CACNA1E: variants seen among roughly 807,000 people sequenced by gnomAD.
The protein encoded by CACNA1E is calcium voltage-gated channel subunit alpha1 E, also known as voltage-dependent R-type calcium channel subunit alpha-1E.
A neutral mutation model predicts 259.2 loss-of-function variants in CACNA1E; 40 were observed. That is an observed-to-expected ratio of 0.15 (90% confidence interval 0.12 to 0.20). CACNA1E has a LOEUF of 0.20. Ranked by LOEUF, CACNA1E falls within the 10% of genes least tolerant of loss-of-function variation. CACNA1E has a pLI of 1.00. For missense variants in CACNA1E, 1,874 were observed against 3,040.1 expected (o/e 0.62, Z 9.02); for synonymous variants, 1,104 against 1,138.5 (o/e 0.97, Z 0.61).
intron 7 of CACNA1E, among the ~76,000 whole-genome samples, chr1:181,654,764 C>G (rs2102083704): frequency 6.6e-6 from 1 of 152,208 alleles, no homozygotes; most frequent in South Asian, 2.1e-4. Context: ...GCGGGCAGAT[C>G]ACGAGGTCAG....
chr1:181,389,115 C>T (rs769340857), intron 1 of CACNA1E, among the ~76,000 whole-genome samples: 1 of 152,188 alleles, frequency 6.6e-6, no homozygotes. Context: ...TAGCATTGAA[C>T]TCTCAGCCAA....
At chr1:181,670,286 A>G (rs1648663745) in intron 7 of CACNA1E, among the ~76,000 whole-genome samples, 1 of 152,170 alleles carries the variant, frequency 6.6e-6, no homozygotes, top group South Asian at 2.1e-4. Flanking sequence ...AGTCTTTACA[A>G]TTTGGTTATA....
intron 7 of CACNA1E, 114 bp from the exon 8 acceptor site, chr1:181,710,840 C>A: frequency 2.7e-6 from 2 of 735,910 alleles, no homozygotes; most frequent in Non-Finnish European, 4.8e-6. Flanking sequence ...GGAAAGGGTA[C>A]ATGGGCTTAA....
At chr1:181,408,544 G>T (rs138343424) in intron 1 of CACNA1E, among the ~76,000 whole-genome samples, 83 of 152,274 alleles carry the variant, frequency 5.5e-4, no homozygotes, top group Admixed American at 1.8e-3. Context: ...CTATGAGCTC[G>T]AGTGTTTTTG....
chr1:181,379,946 G>A lies in CACNA1E; in HGVS notation c.-14-33187G>A, dbSNP rs1655348311. The stretch of plus-strand genomic sequence containing the variant: ...CAGTGGCAACATCTTTAAAGTAGTG[G>A]GAAGGTAGACTGTCATAAGATATAT... On this transcript the variant is annotated intron_variant, in intron 1 of 11. Coordinates refer to the CACNA1E transcript ENST00000524607. Among the ~76,000 whole-genome samples, 3 of 147,770 alleles carry A rather than the reference G, an allele frequency of 2.0e-5. No individual in the cohort carries two copies. In the South Asian group the frequency reaches 6.4e-4, roughly 31 times the overall value.
At chr1:181,405,427 G>T (rs1363379642) in intron 1 of CACNA1E, among the ~76,000 whole-genome samples, 1 of 152,172 alleles carries the variant, frequency 6.6e-6, no homozygotes, top group Non-Finnish European at 1.5e-5. Flanking sequence ...CTCTATCCCA[G>T]TCTAGATAAC....
intron 1 of CACNA1E, among the ~76,000 whole-genome samples, chr1:181,335,755 C>G (rs778909421): frequency 8.5e-5 from 13 of 152,202 alleles, no homozygotes; most frequent in Non-Finnish European, 1.3e-4. Context: ...CTTGAATTCA[C>G]ACCTGACATA....
chr1:181,579,841 C>T (rs1458600836), intron 5 of CACNA1E, among the ~76,000 whole-genome samples: 1 of 152,168 alleles, frequency 6.6e-6, no homozygotes, highest in Non-Finnish European at 1.5e-5. Flanking sequence ...CCTTCATGAT[C>T]CTTCTCACCA....
intron 6 of CACNA1E, among the ~76,000 whole-genome samples, chr1:181,608,303 G>A (rs886732117): frequency 9.9e-5 from 15 of 152,178 alleles, no homozygotes; most frequent in African/African-American, 3.6e-4. Context: ...ATCCAGGTAA[G>A]GATAGTGATG....
At chr1:181,554,670 C>G (rs953081572) in intron 3 of CACNA1E, among the ~76,000 whole-genome samples, 5 of 152,198 alleles carry the variant, frequency 3.3e-5, no homozygotes, top group African/African-American at 1.2e-4. Context: ...TTTGATCATC[C>G]TGCTTTCTCG....
intron 1 of CACNA1E, among the ~76,000 whole-genome samples, chr1:181,345,673 A>G (rs1652536280): frequency 6.6e-6 from 1 of 152,258 alleles, no homozygotes. Context: ...GGACTGGAAG[A>G]GGTGTTCGAG....
At chr1:181,592,147 C>A (rs543671986) in intron 6 of CACNA1E, among the ~76,000 whole-genome samples, 1 of 152,162 alleles carries the variant, frequency 6.6e-6, no homozygotes, top group South Asian at 2.1e-4. Context: ...TGAGCCTTCT[C>A]CCCCAGACCT....
intron 3 of CACNA1E, among the ~76,000 whole-genome samples, chr1:181,512,304 C>G (rs1416879037): frequency 6.6e-6 from 1 of 152,138 alleles, no homozygotes; most frequent in Non-Finnish European, 1.5e-5. Flanking sequence ...TCAGGTGGCT[C>G]TTGGTACCTG....
At chr1:181,393,647 A>G (rs1330111780) in intron 1 of CACNA1E, among the ~76,000 whole-genome samples, 1 of 152,110 alleles carries the variant, frequency 6.6e-6, no homozygotes, top group African/African-American at 2.4e-5. Context: ...TGGTAGAGAC[A>G]GAGTTTTGCA....
rs534411557 is a variant in CACNA1E at position 181,733,194 on chromosome 1, G to T, written c.2948+160G>T. Among the ~76,000 whole-genome samples, 543 of 152,330 alleles carry T rather than the reference G, an allele frequency of 3.6e-3. 4 individuals are homozygous for T. Among genetic ancestry groups the T allele is most frequent in the Non-Finnish European group, 4.1e-3 (278 of 68,020 alleles). On this transcript the variant is annotated intron_variant, in intron 20 of 47. Coordinates refer to ENST00000367573, the MANE Select transcript of CACNA1E (RefSeq NM_001205293.3). ...TATGAATAAATATAACAGGCAGTGG[G>T]CTCTGTCCCCCCAAAAACGAGGGCC...
At chr1:181,545,392 C>T (rs892845463) in intron 3 of CACNA1E, among the ~76,000 whole-genome samples, 1 of 152,158 alleles carries the variant, frequency 6.6e-6, no homozygotes, top group African/African-American at 2.4e-5. Flanking sequence ...TTTAGATGTT[C>T]GTCCATTCCA....
At chr1:181,419,653 C>T (rs1216919979) in intron 2 of CACNA1E, among the ~76,000 whole-genome samples, 1 of 152,196 alleles carries the variant, frequency 6.6e-6, no homozygotes, top group East Asian at 1.9e-4. Flanking sequence ...CAAAACAGTG[C>T]CTAGTGTGCA....
At chr1:181,600,404 C>G (rs139176579) in intron 6 of CACNA1E, among the ~76,000 whole-genome samples, 4 of 152,292 alleles carry the variant, frequency 2.6e-5, no homozygotes, top group Admixed American at 1.3e-4. Flanking sequence ...GCTGAAAGAT[C>G]ACTCTACCTG....
At chr1:181,610,201 A>G (rs1423928419) in intron 6 of CACNA1E, among the ~76,000 whole-genome samples, 1 of 152,238 alleles carries the variant, frequency 6.6e-6, no homozygotes, top group Non-Finnish European at 1.5e-5. Flanking sequence ...GAGAGTCTGT[A>G]GACTGGGCAT....
Sources: allele counts gnomAD v4.1 joint callset (sites outside exome capture counted in the v4.1 genomes callset), GRCh38; gene constraint gnomAD v4.1.1; transcripts MANE v1.5; gene names NCBI Gene and HGNC (gene_info 2026-07-23, HGNC 2026-07-21).